The following EML6 variants were observed in gnomAD, a reference collection of about 807,000 sequenced individuals.
The protein encoded by EML6 is echinoderm microtubule-associated protein-like 6.
A neutral mutation model predicts 240.1 loss-of-function variants in EML6; 154 were observed. That is an observed-to-expected ratio of 0.64 (90% CI 0.56 to 0.73). The LOEUF (loss-of-function observed/expected upper bound fraction) is 0.73. Among genes scored for constraint, EML6 ranks in the 30% least tolerant of loss-of-function variants. EML6 has a pLI of 0.00. For missense variants in EML6, 2,964 were observed against 2,474.6 expected (o/e 1.20, Z -4.20); for synonymous variants, 1,148 against 899.0 (o/e 1.28, Z -4.95).
chr2:54,859,764 C>T (rs955876761), intron 12 of EML6, 63 bp downstream of exon 12: 1 of 1,376,984 alleles, frequency 7.3e-7, no homozygotes, highest in Admixed American at 2.8e-5. Flanking sequence ...AAAGAATGGT[C>T]TAACATGTAT....
At chr2:54,955,462 C>T (rs755560426) in intron 32 of EML6, among the ~76,000 whole-genome samples, 1 of 152,204 alleles carries the variant, frequency 6.6e-6, no homozygotes, top group Non-Finnish European at 1.5e-5. Context: ...GCAGCCCACA[C>T]GCTGTCAGAA....
chr2:54,831,889 A>G (rs1242124983), intron 7 of EML6, among the ~76,000 whole-genome samples: 1 of 152,192 alleles, frequency 6.6e-6, no homozygotes, highest in Non-Finnish European at 1.5e-5. Flanking sequence ...TAATTTTAGA[A>G]TTGCTGCTGA....
chr2:54,796,334 A>G (rs937373395), intron 2 of EML6, among the ~76,000 whole-genome samples: 2 of 152,162 alleles, frequency 1.3e-5, no homozygotes, highest in Non-Finnish European at 2.9e-5. Context: ...AAATAACACA[A>G]TAGGAGCCTA....
chr2:54,885,297 A>C (rs1346954821), intron 17 of EML6, among the ~76,000 whole-genome samples: 9 of 151,886 alleles, frequency 5.9e-5, no homozygotes, highest in Admixed American at 3.3e-4. Flanking sequence ...AATATAAAAA[A>C]TTAGCCAGGC....
intron 17 of EML6, among the ~76,000 whole-genome samples, chr2:54,888,032 T>C (rs761341020): frequency 1.3e-5 from 2 of 152,254 alleles, no homozygotes; most frequent in Non-Finnish European, 2.9e-5. Context: ...AAGCTAGCAA[T>C]GGGCTTGCTG....
chr2:54,789,601 C>A (rs1485475299), intron 2 of EML6, among the ~76,000 whole-genome samples: 1 of 150,590 alleles, frequency 6.6e-6, no homozygotes, highest in African/African-American at 2.4e-5. Flanking sequence ...ACTGGCCCAC[C>A]TGATGTTGTC....
At chr2:54,913,975 C>T (rs1192760652) in intron 25 of EML6, among the ~76,000 whole-genome samples, 1 of 152,110 alleles carries the variant, frequency 6.6e-6, no homozygotes, top group African/African-American at 2.4e-5. Flanking sequence ...TACAGGTGTG[C>T]AGCTTTATTT....
intron 28 of EML6, among the ~76,000 whole-genome samples, chr2:54,930,402 A>G (rs1674790062): frequency 6.6e-6 from 1 of 152,190 alleles, no homozygotes; most frequent in African/African-American, 2.4e-5. Context: ...CTGATGATAG[A>G]GAGGACCCTA....
intron 14 of EML6, chr2:54,868,125 A>T (rs1311428489): frequency 1.3e-5 from 2 of 152,222 alleles, no homozygotes; most frequent in African/African-American, 2.4e-5. Context: ...ACATGTTGAT[A>T]TAGTAATATC....
intron 35 of EML6, among the ~76,000 whole-genome samples, chr2:54,961,185 T>TTGTTTTTTTTGTTTTGTTTTTTTTTG: frequency 1.6e-5 from 1 of 62,378 alleles, no homozygotes; most frequent in Non-Finnish European, 3.1e-5. Flanking sequence ...CAGGAAGTAG[T>TTGTTTTTTTTGTTTTGTTTTTTTTTG]TTTTTTTTTT....
At position 54,903,133 on chromosome 2, in the gene EML6, G is replaced by T. The variant is rs973390159; in HGVS notation, c.3214G>T (p.Val1072Phe). ...GSFLVVNADTVEDMVSFHHRK... is the reference protein window; with the variant it reads ...GSFLVVNADTFEDMVSFHHRK... ...TTTCCTGGTGGTAAATGCTGACACT[G>T]TTGAAGACATGGTCTCTTTCCATCA... Residue 1072 changes from valine to phenylalanine, a missense_variant, in exon 23 of 42, where the codon GTT (valine) becomes TTT (phenylalanine). By Grantham distance (50) the Val-to-Phe change is conservative (BLOSUM62 -1). Transcript: ENST00000356458. 5.8e-6 allele frequency: 9 copies of T among 1,551,742 alleles called. No individual in the cohort carries two copies. The highest frequency in any genetic ancestry group is 2.7e-5 in the African/African-American group (2 of 73,050).
At chr2:54,847,678 A>C (rs1271356189) in intron 9 of EML6, 55 bp downstream of exon 9, 1 of 1,537,122 alleles carries the variant, frequency 6.5e-7, no homozygotes, top group African/African-American at 1.4e-5. Flanking sequence ...TAAATGTTAC[A>C]ATTTTCCTGG....
chr2:54,964,764 A>G lies in EML6; in HGVS notation c.5493+31A>G, dbSNP rs372218492. On this transcript the variant is annotated intron_variant, in intron 38 of 41. Transcript: ENST00000356458. ...CTTGGGGTTTACTTATATCTGGGGC[A>G]ACCAATAATAACAGCAGTAATAACA... The G allele has an allele frequency of 1.8e-5, 28 of 1,546,162 alleles. No individual in the cohort carries two copies. The African/African-American group carries it at 3.3e-4, about 18-fold the overall frequency.
intron 24 of EML6, 42 bp downstream of exon 24, chr2:54,903,544 A>T: frequency 6.6e-7 from 1 of 1,518,742 alleles, no homozygotes; most frequent in Non-Finnish European, 8.9e-7. Flanking sequence ...TTCTGTGTTT[A>T]AAAAATGTCC....
In EML6 at chr2:54,827,575, C is replaced by G. The variant is rs1668657513; in HGVS notation, c.535C>G (p.Leu179Val). 11 of 1,551,196 alleles carry G rather than the reference C, an allele frequency of 7.1e-6. No individual in the cohort carries two copies. Among genetic ancestry groups the G allele is most frequent in the Non-Finnish European group, 9.6e-6 (11 of 1,146,790 alleles). ...ATCACTTACATTGTAGTTTTGGACA[C>G]TGTGTGGAAATGCCCTGACTGCAAA... ...CGVKHIKFWTLCGNALTAKRG... is the reference protein window; with the variant it reads ...CGVKHIKFWTVCGNALTAKRG... Residue 179 changes from leucine (L) to valine (V), a missense_variant, in exon 6 of 42, where the codon CTG becomes GTG. By Grantham distance (32) the Leu-to-Val change is conservative (BLOSUM62 1). Coordinates refer to ENST00000356458, the MANE Select transcript of EML6 (RefSeq NM_001039753.4).
chr2:54,755,452 T>C (rs1684356631), intron 2 of EML6, among the ~76,000 whole-genome samples: 1 of 152,174 alleles, frequency 6.6e-6, no homozygotes, highest in Non-Finnish European at 1.5e-5. Context: ...TTGGAGAGAA[T>C]TGACATCTTT....
chr2:54,804,350 C>T (rs1457857457), intron 2 of EML6, among the ~76,000 whole-genome samples: 1 of 152,244 alleles, frequency 6.6e-6, no homozygotes, highest in Admixed American at 6.5e-5. Flanking sequence ...TGACTAGCTC[C>T]AGAAAGCTGG....
At chr2:54,803,196 G>A (rs1670275018) in intron 2 of EML6, among the ~76,000 whole-genome samples, 1 of 152,204 alleles carries the variant, frequency 6.6e-6, no homozygotes, top group Non-Finnish European at 1.5e-5. Flanking sequence ...AGCTCCGTGT[G>A]AGCTGCCATA....
chr2:54,889,337 C>G (rs547397094), intron 17 of EML6, among the ~76,000 whole-genome samples: 1 of 151,906 alleles, frequency 6.6e-6, no homozygotes. Context: ...TAAACACACA[C>G]ACACCCCGTG....
Sources: allele counts gnomAD v4.1 joint callset (sites outside exome capture counted in the v4.1 genomes callset), GRCh38; gene constraint gnomAD v4.1.1; transcripts MANE v1.5; gene names NCBI Gene and HGNC (gene_info 2026-07-23, HGNC 2026-07-21).